NWD2: variants seen among roughly 807,000 people sequenced by gnomAD.
The protein encoded by NWD2 is NACHT and WD repeat domain-containing protein 2.
A neutral mutation model predicts 132.7 loss-of-function variants in NWD2; 37 were observed. The ratio of observed to expected loss-of-function variants is 0.28; its 90% confidence interval spans 0.21 to 0.37. The LOEUF is 0.37. Among genes scored for constraint, NWD2 ranks in the 10% least tolerant of loss-of-function variants. The pLI is 1.00. For synonymous variants in NWD2, 705 were observed against 803.0 expected (o/e 0.88, Z 2.06); for missense variants, 1,592 against 2,122.4 (o/e 0.75, Z 4.91).
Position 37,245,042 on chromosome 4 carries a change from G to A in NWD2, c.-26G>A, listed in dbSNP as rs767361511. ...CGAGGAGCAGGAGGTGGCGGCGGCG[G>A]CAGTGGCTGTTCCTCCCAGAGGGCG... On this transcript the variant is annotated 5_prime_UTR_variant, in exon 1 of 7. Transcript: ENST00000309447. 6.5e-7 allele frequency: 1 copy of A among 1,542,032 alleles called. No homozygotes were observed. Among genetic ancestry groups the A allele is most frequent in the South Asian group, 1.2e-5 (1 of 83,842 alleles).
At chr4:37,385,762 T>C (rs899042965) in intron 3 of NWD2, among the ~76,000 whole-genome samples, 15 of 152,172 alleles carry the variant, frequency 9.9e-5, no homozygotes, top group Non-Finnish European at 4.4e-5. Context: ...TTATTAATGA[T>C]ATAAACATCC....
intron 3 of NWD2, among the ~76,000 whole-genome samples, chr4:37,363,590 A>C (rs1328359522): frequency 6.6e-6 from 1 of 152,176 alleles, no homozygotes; most frequent in African/African-American, 2.4e-5. Context: ...AAAATTGGGT[A>C]CTCATGGACA....
intron 1 of NWD2, among the ~76,000 whole-genome samples, chr4:37,321,313 G>T (rs923326325): frequency 2.6e-5 from 4 of 152,130 alleles, no homozygotes; most frequent in African/African-American, 9.7e-5. Flanking sequence ...GTGAAATCAA[G>T]ATATTATAAG....
At chr4:37,283,188 G>T (rs549347504) in intron 1 of NWD2, among the ~76,000 whole-genome samples, 2 of 152,262 alleles carry the variant, frequency 1.3e-5, no homozygotes, top group South Asian at 2.1e-4. Flanking sequence ...CAGTAAAAAT[G>T]TGTAAATTAT....
At chr4:37,428,323 G>A (rs1315349904) in intron 3 of NWD2, among the ~76,000 whole-genome samples, 3 of 152,194 alleles carry the variant, frequency 2.0e-5, no homozygotes, top group Non-Finnish European at 4.4e-5. Flanking sequence ...TAATCAACAA[G>A]AGGAAAGAAG....
At chr4:37,289,330 AGCT>A (rs1196360191) in intron 1 of NWD2, among the ~76,000 whole-genome samples, 3 of 152,210 alleles carry the variant, frequency 2.0e-5, no homozygotes, top group Non-Finnish European at 1.5e-5. Flanking sequence ...GTCAGTACTT[AGCT>A]TTTGGATACT....
Position 37,446,742 on chromosome 4 carries a change from G to A in NWD2, c.4754G>A (p.Arg1585Gln), listed in dbSNP as rs1342697159. 1.0e-5 allele frequency: 16 copies of A among 1,551,608 alleles called. No individual in the cohort carries two copies. In the East Asian group the frequency reaches 2.0e-4, roughly 19 times the overall value. Residue 1585 changes from arginine to glutamine, a missense_variant, in exon 7 of 7, where the codon CGA becomes CAA. Physicochemically the swap from Arg to Gln is conservative, Grantham distance 43. Around this residue, in one of 7 missense-constraint regions of NWD2, gnomAD observed 257 missense variants for 335.0 expected, o/e 0.77. Transcript: ENST00000309447. This position sits in a 1 kb window ranked among gnomAD's most constrained non-coding sequence, Gnocchi z 6.7. The stretch of plus-strand genomic sequence containing the variant: ...CGCTACCTGGTATACATTTGTTTCC[G>A]AAATGGGGAGGAGGAGGATGAAAAT... ...DGRYLVYICF[R>Q]NGEEEDENGA...
intron 1 of NWD2, among the ~76,000 whole-genome samples, chr4:37,315,705 AT>A (rs1718941825): frequency 6.6e-6 from 1 of 151,838 alleles, no homozygotes; most frequent in Non-Finnish European, 1.5e-5. Context: ...GATAGCTTGG[AT>A]TTATTTCTGC....
At chr4:37,441,264 T>C (rs766682880) in intron 6 of NWD2, among the ~76,000 whole-genome samples, 26 of 152,246 alleles carry the variant, frequency 1.7e-4, no homozygotes, top group Admixed American at 3.3e-4. Flanking sequence ...CATATGTTTA[T>C]GTGCCTTTGA....
chr4:37,409,758 A>T (rs949523977), intron 3 of NWD2, among the ~76,000 whole-genome samples: 7 of 152,162 alleles, frequency 4.6e-5, no homozygotes, highest in African/African-American at 1.4e-4. Context: ...GCCAGAGAGA[A>T]AGGTCGGGTT....
At chr4:37,273,962 C>T (rs142284347) in intron 1 of NWD2, among the ~76,000 whole-genome samples, 2,653 of 151,848 alleles carry the variant, frequency 0.017, 85 homozygotes, top group African/African-American at 0.06. Flanking sequence ...GCACTAAATG[C>T]CCACAAGAGA....
chr4:37,390,131 AG>A (rs1720650930), intron 3 of NWD2, among the ~76,000 whole-genome samples: 1 of 152,166 alleles, frequency 6.6e-6, no homozygotes. Flanking sequence ...TGTAGAGTTC[AG>A]TCTGAAGTTG....
rs1174024641 is a variant in NWD2, at chr4:37,448,250, A to C, written c.*1033A>C. 3.3e-5 allele frequency: 5 copies of C among 152,182 alleles called. No homozygotes were observed. The highest frequency in any genetic ancestry group is 1.2e-4 in the African/African-American group (5 of 41,444). The allele number at this position is 152,182 out of a possible 1,614,324, so 9.4% of individuals were successfully genotyped here. ...TGTGTAAAATGCAGATAGATGACCA[A>C]ATACTCTGGGATAAACTGAATATGC... On this transcript the variant is annotated 3_prime_UTR_variant, in exon 7 of 7. Coordinates refer to ENST00000309447, the MANE Select transcript of NWD2 (RefSeq NM_001144990.2).
chr4:37,438,237 G>A (rs1712376371), intron 5 of NWD2, among the ~76,000 whole-genome samples: 1 of 151,502 alleles, frequency 6.6e-6, no homozygotes, highest in African/African-American at 2.4e-5. Flanking sequence ...CTCCAGCCTG[G>A]GCGACAGAGC....
chr4:37,355,768 G>A (rs978416087), intron 2 of NWD2, among the ~76,000 whole-genome samples: 3 of 152,120 alleles, frequency 2.0e-5, no homozygotes, highest in African/African-American at 4.8e-5. Flanking sequence ...TCACTTTTCT[G>A]TAAGGCATAC....
At chr4:37,342,114 A>G (rs1187521639) in intron 2 of NWD2, among the ~76,000 whole-genome samples, 1 of 152,174 alleles carries the variant, frequency 6.6e-6, no homozygotes, top group Non-Finnish European at 1.5e-5. Flanking sequence ...GTTATCCTCA[A>G]CACTGGGGAT....
chr4:37,363,757 T>A (rs1720028599), intron 3 of NWD2, among the ~76,000 whole-genome samples: 1 of 152,154 alleles, frequency 6.6e-6, no homozygotes, highest in Non-Finnish European at 1.5e-5. Context: ...AACCTCAGCA[T>A]CATGCAATAC....
intron 5 of NWD2, among the ~76,000 whole-genome samples, chr4:37,436,235 C>T (rs1317540787): frequency 6.6e-6 from 1 of 151,956 alleles, no homozygotes; most frequent in Non-Finnish European, 1.5e-5. Context: ...AAGGAACATG[C>T]AAAAACAGAA....
intron 3 of NWD2, among the ~76,000 whole-genome samples, chr4:37,371,548 T>C (rs868583029): frequency 6.6e-6 from 1 of 152,228 alleles, no homozygotes; most frequent in Non-Finnish European, 1.5e-5. Context: ...TTTGCTCTTA[T>C]TTGAATTAAA....
Sources: allele counts gnomAD v4.1 joint callset (sites outside exome capture counted in the v4.1 genomes callset), GRCh38; gene constraint gnomAD v4.1.1; regional missense constraint gnomAD v4.1.1; non-coding constraint Gnocchi (gnomAD v3.1); transcripts MANE v1.5; gene names NCBI Gene and HGNC (gene_info 2026-07-23, HGNC 2026-07-21).